The following SYT14 variants were observed in gnomAD, a reference collection of about 807,000 sequenced individuals.
SYT14 encodes the protein synaptotagmin 14, also known as synaptotagmin-14.
In SYT14, 32 loss-of-function variants were observed where a neutral mutation model predicts 74.2. The observed-to-expected ratio is 0.43, with a 90% confidence interval of 0.33 to 0.58. SYT14 has a LOEUF of 0.58. SYT14 is among the 20% of genes least tolerant of loss of function. The pLI is 0.05. For missense variants in SYT14, 791 were observed against 981.8 expected, an observed-to-expected ratio of 0.81 and a Z score of 2.60; for synonymous variants, 298 against 337.7, an observed-to-expected ratio of 0.88 and a Z score of 1.29.
At chr1:209,980,561 T>C (rs1473478412) in intron 2 of SYT14, among the ~76,000 whole-genome samples, 2 of 152,214 alleles carry the variant, frequency 1.3e-5, no homozygotes, top group Non-Finnish European at 2.9e-5. Context: ...GATTTTCTTC[T>C]AAGGTTTTTA....
chr1:210,042,687 G>A (rs2080814991), intron 5 of SYT14, among the ~76,000 whole-genome samples: 1 of 151,698 alleles, frequency 6.6e-6, no homozygotes, highest in Non-Finnish European at 1.5e-5. Flanking sequence ...TGGCGTGAAG[G>A]CCTCTGTTCT....
At chr1:209,956,583 A>C (rs779311418) in intron 2 of SYT14, among the ~76,000 whole-genome samples, 1 of 152,188 alleles carries the variant, frequency 6.6e-6, no homozygotes, top group Admixed American at 6.5e-5. Context: ...TCACAGGGCT[A>C]CATCTATAGT....
At chr1:209,986,333 C>T (rs1038044530) in intron 2 of SYT14, among the ~76,000 whole-genome samples, 19 of 152,086 alleles carry the variant, frequency 1.2e-4, no homozygotes, top group African/African-American at 3.6e-4. Context: ...GGGCTGGGCG[C>T]GGTGGCTCAT....
At chr1:210,157,330 T>A (rs2083288588) in intron 8 of SYT14, among the ~76,000 whole-genome samples, 1 of 151,700 alleles carries the variant, frequency 6.6e-6, no homozygotes, top group African/African-American at 2.4e-5. Flanking sequence ...TAGTGCCAGC[T>A]ACTCAGGAGG....
chr1:210,162,461 T>C (rs2102733036), exon 10 of SYT14: 1 of 351,810 alleles, frequency 2.8e-6, no homozygotes, highest in Non-Finnish European at 5.5e-6. Context: ...GCTGTTTTCT[T>C]TTTAATTTTG....
intron 7 of SYT14, among the ~76,000 whole-genome samples, chr1:210,103,277 G>C (rs546706425): frequency 6.6e-6 from 1 of 152,150 alleles, no homozygotes; most frequent in South Asian, 2.1e-4. Context: ...AAGGCCGGGC[G>C]CAGTGGCTCA....
chr1:210,107,050 A>C lies in SYT14; in HGVS notation c.2034+6589A>C, dbSNP rs181472580. On this transcript the variant is annotated intron_variant, in intron 7 of 9. Transcript: ENST00000637265. ...CCAAAACAAAGGGGCTACGGGCCCCATGCCAAGTCCAAAATCCAATAGAGC... is the reference window on the plus strand; with the variant it reads ...CCAAAACAAAGGGGCTACGGGCCCCCTGCCAAGTCCAAAATCCAATAGAGC... Among the ~76,000 whole-genome samples, 388 of 152,356 alleles carry C rather than the reference A, an allele frequency of 2.5e-3. 2 individuals carry two copies. The highest frequency in any genetic ancestry group is 3.8e-3 in the Non-Finnish European group (261 of 68,040).
chr1:210,011,492 C>T (rs191488902), intron 2 of SYT14, among the ~76,000 whole-genome samples: 4 of 152,272 alleles, frequency 2.6e-5, no homozygotes, highest in East Asian at 1.9e-4. Context: ...CCGTTCCTCC[C>T]GCCTCCTCCT....
chr1:209,960,234 A>G (rs184767408), intron 2 of SYT14, among the ~76,000 whole-genome samples: 1 of 152,212 alleles, frequency 6.6e-6, no homozygotes, highest in East Asian at 1.9e-4. Context: ...GCATTACTTT[A>G]TTGGGTATTC....
In SYT14 at chr1:209,973,681, G is replaced by A. The variant is rs553489516; in HGVS notation, c.-486+20925G>A. Among the ~76,000 whole-genome samples, 1,130 of 152,280 alleles carry A rather than the reference G, an allele frequency of 7.4e-3. 7 individuals are homozygous for A. Among genetic ancestry groups the A allele is most frequent in the African/African-American group, 0.026 (1,062 of 41,524 alleles). On this transcript the variant is annotated intron_variant, in intron 2 of 9. Coordinates refer to ENST00000637265, the Ensembl canonical transcript of SYT14. ...TGCCGCTATAAACATACGTGTGCAT[G>A]TGTCTTTATAGCAGCATGATTTATA...
At chr1:210,071,782 A>T (rs574866252) in intron 5 of SYT14, among the ~76,000 whole-genome samples, 13 of 152,034 alleles carry the variant, frequency 8.6e-5, no homozygotes, top group Admixed American at 3.9e-4. Flanking sequence ...TTTTACTGAT[A>T]AAAAAAGCTT....
chr1:209,949,997 C>G (rs753014196), intron 1 of SYT14, among the ~76,000 whole-genome samples: 2 of 152,142 alleles, frequency 1.3e-5, no homozygotes, highest in Non-Finnish European at 2.9e-5. Flanking sequence ...CATTGTCATT[C>G]TGCAGTTCTG....
intron 7 of SYT14, among the ~76,000 whole-genome samples, chr1:210,154,753 T>G (rs569257796): frequency 6.6e-6 from 1 of 152,352 alleles, no homozygotes; most frequent in South Asian, 2.1e-4. Context: ...GAACAGAGTT[T>G]GGTTTTCTAA....
intron 3 of SYT14, 68 bp downstream of exon 3, chr1:210,013,865 A>C (rs1049053465): frequency 2.0e-6 from 3 of 1,486,482 alleles, no homozygotes; most frequent in Non-Finnish European, 1.8e-6. Context: ...TTATTTTAAT[A>C]TATGCAATAA....
At chr1:210,083,312 C>T (rs2081653439) in intron 5 of SYT14, among the ~76,000 whole-genome samples, 3 of 152,258 alleles carry the variant, frequency 2.0e-5, no homozygotes, top group East Asian at 1.9e-4. Flanking sequence ...TATTTCAAAC[C>T]ATCAGGAAAA....
intron 2 of SYT14, among the ~76,000 whole-genome samples, chr1:209,961,683 G>A (rs777600958): frequency 2.6e-5 from 4 of 152,060 alleles, no homozygotes; most frequent in Non-Finnish European, 5.9e-5. Flanking sequence ...AGAAGGTAGG[G>A]ACAGTCTTGG....
intron 5 of SYT14, among the ~76,000 whole-genome samples, chr1:210,059,949 A>G (rs2102408211): frequency 6.6e-6 from 1 of 152,238 alleles, no homozygotes; most frequent in East Asian, 1.9e-4. Context: ...TGGGGTGGGA[A>G]CTGGGAAGTG....
At chr1:210,059,483 G>C (rs1158447155) in intron 5 of SYT14, among the ~76,000 whole-genome samples, 3 of 147,656 alleles carry the variant, frequency 2.0e-5, no homozygotes, top group African/African-American at 7.5e-5. Flanking sequence ...GAGAGAGAGA[G>C]AGAGACATGA....
intron 7 of SYT14, among the ~76,000 whole-genome samples, chr1:210,139,917 A>C (rs2082880395): frequency 6.6e-6 from 1 of 152,186 alleles, no homozygotes; most frequent in African/African-American, 2.4e-5. Flanking sequence ...GCTTTTATGA[A>C]TAATGCTGCT....
Sources: gnomAD v4.1 joint callset for allele counts (sites outside exome capture counted in the v4.1 genomes callset) on GRCh38, gnomAD v4.1.1 for gene constraint, MANE v1.5 for transcripts, NCBI Gene and HGNC (gene_info 2026-07-23, HGNC 2026-07-21) for gene names.